MALRD1: variants seen among roughly 807,000 people sequenced by gnomAD.
MALRD1 encodes MAM and LDL-receptor class A domain-containing protein 1.
A neutral mutation model predicts 242.1 loss-of-function variants in MALRD1; 247 were observed. The ratio of observed to expected loss-of-function variants is 1.02; its 90% confidence interval spans 0.92 to 1.13. MALRD1 has a LOEUF of 1.13. Among genes scored for constraint, MALRD1 ranks in the 50% most tolerant of loss-of-function variants. MALRD1 has a pLI of 0.00. For missense variants in MALRD1, 2,989 were observed against 2,533.1 expected (o/e 1.18, Z -3.86); for synonymous variants, 995 against 866.6 (o/e 1.15, Z -2.60).
chr10:19,122,450 A>G (rs1007748038), intron 5 of MALRD1, among the ~76,000 whole-genome samples: 1 of 152,158 alleles, frequency 6.6e-6, no homozygotes, highest in African/African-American at 2.4e-5. Flanking sequence ...AGAAGCAAAT[A>G]AAAGTGAATA....
chr10:19,277,913 A>T (rs1259050021), intron 19 of MALRD1, among the ~76,000 whole-genome samples: 2 of 152,226 alleles, frequency 1.3e-5, no homozygotes, highest in Non-Finnish European at 2.9e-5. Flanking sequence ...TGACTGGATT[A>T]AAGAAAGAGG....
At chr10:19,191,752 C>A (rs978754543) in intron 14 of MALRD1, among the ~76,000 whole-genome samples, 1 of 152,098 alleles carries the variant, frequency 6.6e-6, no homozygotes, top group Non-Finnish European at 1.5e-5. Context: ...AATCCTAGCA[C>A]TTTGGGAGGC....
Position 19,450,453 on chromosome 10 carries a change from T to G in MALRD1, c.4992T>G (p.Ala1664=), listed in dbSNP as rs772445628. The G allele has an allele frequency of 6.5e-7, 1 of 1,550,040 alleles. No individual in the cohort carries two copies. Among genetic ancestry groups the G allele is most frequent in the South Asian group, 1.2e-5 (1 of 83,828 alleles). The change falls in exon 29 of 40, where the codon GCT becomes GCG. Residue 1664 remains alanine, a synonymous_variant. Transcript: ENST00000454679. ...GIRTRDLGGG[A]AIDDIEFKNC... is the part of the protein sequence containing the mutation. The stretch of plus-strand genomic sequence containing the variant: ...GAACAAGGGACCTGGGAGGAGGAGC[T>G]GCAATTGATGATATTGAATTTAAAA...
At chr10:19,385,425 T>A (rs1413664710) in intron 26 of MALRD1, among the ~76,000 whole-genome samples, 1 of 152,006 alleles carries the variant, frequency 6.6e-6, no homozygotes, top group Non-Finnish European at 1.5e-5. Context: ...CATTACTCAT[T>A]ATTGATCTGT....
chr10:19,615,303 A>G (rs989101226), intron 35 of MALRD1, among the ~76,000 whole-genome samples: 3 of 151,868 alleles, frequency 2.0e-5, no homozygotes, highest in African/African-American at 7.3e-5. Flanking sequence ...GGATTGCTTG[A>G]GGCTAAGAGT....
At position 19,165,695 on chromosome 10, in the gene MALRD1, C is replaced by T. The variant is rs1162695431; in HGVS notation, c.1715C>T (p.Ser572Phe). The T allele has an allele frequency of 2.4e-6, 3 of 1,231,486 alleles. No individual in the cohort carries two copies. The African/African-American group carries it at 4.7e-5, about 19-fold the overall frequency. The allele number at this position is 1,231,486 out of a possible 1,614,324, so 76.3% of individuals were successfully genotyped here. Residue 572 changes from serine (S) to phenylalanine (F), a missense_variant, in exon 13 of 40, where the codon TCT becomes TTT. Coordinates refer to ENST00000454679, the MANE Select transcript of MALRD1 (RefSeq NM_001142308.3). ...AATCTCTCAGTTTTTACAAGAACGT[C>T]TCTAGATGGAAACTTGCAAAAGCAG... is the stretch of plus-strand genomic sequence containing the variant. ...HSNLSVFTRT[S>F]LDGNLQKQGK...
At position 19,585,049 on chromosome 10, in the gene MALRD1, C is replaced by G. The variant is rs896523676; in HGVS notation, c.5681-10145C>G. 1.2e-3 allele frequency among the ~76,000 whole-genome samples: 129 copies of G among 111,604 alleles called. 1 individual carries two copies. Among genetic ancestry groups the G allele is most frequent in the African/African-American group, 4.3e-3 (123 of 28,656 alleles). The allele number at this position is 111,604 out of a possible 152,430, so 73.2% of individuals were successfully genotyped here. ...TTTATCAGAGACTAGGATTGCAACC[C>G]CTGCCTTTTTTTGTTTTCCATTTGT... On this transcript the variant is annotated intron_variant, in intron 33 of 39. Coordinates refer to ENST00000454679, the MANE Select transcript of MALRD1 (RefSeq NM_001142308.3).
At chr10:19,164,490 C>G (rs1834583576) in intron 12 of MALRD1, among the ~76,000 whole-genome samples, 1 of 152,072 alleles carries the variant, frequency 6.6e-6, no homozygotes, top group Non-Finnish European at 1.5e-5. Flanking sequence ...AAGTATTCCA[C>G]TTTTGTGGGA....
chr10:19,101,564 A>G (rs1277955178), intron 4 of MALRD1, among the ~76,000 whole-genome samples: 1 of 136,460 alleles, frequency 7.3e-6, no homozygotes, highest in African/African-American at 2.7e-5. Context: ...TATAATATGT[A>G]TATTGTATTA....
chr10:19,714,440 C>T (rs555453101), intron 38 of MALRD1, among the ~76,000 whole-genome samples: 2 of 152,192 alleles, frequency 1.3e-5, no homozygotes, highest in African/African-American at 4.8e-5. Flanking sequence ...TTCCTCTCGA[C>T]GTCCAGCTGC....
At chr10:19,242,069 G>T (rs113467888) in intron 18 of MALRD1, among the ~76,000 whole-genome samples, 93 of 152,238 alleles carry the variant, frequency 6.1e-4, no homozygotes, top group African/African-American at 2.1e-3. Context: ...TCATACTGCT[G>T]ATAAAGACAT....
At chr10:19,235,613 A>AGAGAGAGCGC (rs769851042) in intron 18 of MALRD1, among the ~76,000 whole-genome samples, 4 of 143,740 alleles carry the variant, frequency 2.8e-5, no homozygotes, top group Non-Finnish European at 6.1e-5. Context: ...AGAGAGAGAG[A>AGAGAGAGCGC]GCGCCTAGGT....
chr10:19,283,042 A>C lies in MALRD1; in HGVS notation c.3280A>C (p.Lys1094Gln). 1.3e-6 allele frequency: 2 copies of C among 1,547,628 alleles called. No homozygotes were observed. The highest frequency in any genetic ancestry group is 1.7e-6 in the Non-Finnish European group (2 of 1,145,360). The change falls in exon 21 of 40, where the codon AAA becomes CAA. Residue 1094 changes from lysine (K) to glutamine (Q), a missense_variant. By Grantham distance (53) the Lys-to-Gln change is moderately conservative. Transcript: ENST00000454679. The stretch of plus-strand genomic sequence containing the variant: ...AGTTATGGAAGTTTGCAGCTTTGAG[A>C]AAAGAAGCCTGTGTAAATGGTATCA... ...SCVMEVCSFE[K>Q]RSLCKWYQPI...
chr10:19,576,560 A>T (rs1251276338), intron 33 of MALRD1, among the ~76,000 whole-genome samples: 1 of 152,206 alleles, frequency 6.6e-6, no homozygotes, highest in African/African-American at 2.4e-5. Context: ...GAAAAATGCT[A>T]AGTGGTTAAT....
chr10:19,047,967 G>A (rs1357827010), upstream of MALRD1, among the ~76,000 whole-genome samples: 1 of 152,006 alleles, frequency 6.6e-6, no homozygotes, highest in East Asian at 1.9e-4. Flanking sequence ...CAAATATAAA[G>A]CAATGTATAG....
intron 31 of MALRD1, among the ~76,000 whole-genome samples, chr10:19,511,442 A>T (rs1215213047): frequency 6.6e-6 from 1 of 152,226 alleles, no homozygotes; most frequent in Non-Finnish European, 1.5e-5. Flanking sequence ...AGGCTTTATT[A>T]TCAAATCATA....
Position 19,340,259 on chromosome 10 carries a change from C to T in MALRD1, c.3902-7512C>T, listed in dbSNP as rs192230672. On this transcript the variant is annotated intron_variant, in intron 24 of 39. Transcript: ENST00000454679. ...TATCTACCCTCTCAAACATTTATCC[C>T]ATGTGTTACAATCTATTTACACTCT... is the stretch of plus-strand genomic sequence containing the variant. 1.1e-4 allele frequency among the ~76,000 whole-genome samples: 16 copies of T among 152,168 alleles called. No individual in the cohort carries two copies. The East Asian group carries it at 2.3e-3, about 22-fold the overall frequency.
At chr10:19,106,880 C>T (rs1836482889) in intron 5 of MALRD1, among the ~76,000 whole-genome samples, 1 of 151,900 alleles carries the variant, frequency 6.6e-6, no homozygotes, top group Non-Finnish European at 1.5e-5. Flanking sequence ...TTAATTTCAT[C>T]ATTGGCTTAT....
At chr10:19,439,746 G>T (rs1005256011) in intron 28 of MALRD1, among the ~76,000 whole-genome samples, 1 of 152,052 alleles carries the variant, frequency 6.6e-6, no homozygotes, top group African/African-American at 2.4e-5. Flanking sequence ...GTGGACTATT[G>T]TTTTGAATGT....
Sources: gnomAD v4.1 joint callset for allele counts (sites outside exome capture counted in the v4.1 genomes callset) on GRCh38, gnomAD v4.1.1 for gene constraint, MANE v1.5 for transcripts, NCBI Gene and HGNC (gene_info 2026-07-23, HGNC 2026-07-21) for gene names.